NRG1: variants seen among roughly 807,000 people sequenced by gnomAD.
NRG1 encodes the protein pro-neuregulin-1, membrane-bound isoform.
Under a neutral mutation model 63.8 loss-of-function variants are expected in NRG1, and 18 were observed. The observed-to-expected ratio is 0.28, with a 90% CI of 0.19 to 0.42. The LOEUF (loss-of-function observed/expected upper bound fraction) is 0.42. Ranked by LOEUF, NRG1 falls within the 10% of genes least tolerant of loss-of-function variation. The pLI is 1.00. For synonymous variants in NRG1, 302 were observed against 301.3 expected, an observed-to-expected ratio of 1.00 and a Z score of -0.02; for missense variants, 762 against 814.7, an observed-to-expected ratio of 0.94 and a Z score of 0.79.
intron 1 of NRG1, among the ~76,000 whole-genome samples, chr8:32,094,730 C>A (rs949381145): frequency 6.6e-6 from 1 of 152,028 alleles, no homozygotes; most frequent in Non-Finnish European, 1.5e-5. Flanking sequence ...TCTGTCACCT[C>A]AGAACTAACA....
At chr8:32,508,938 T>C (rs577804166) in intron 1 of NRG1, among the ~76,000 whole-genome samples, 15 of 152,112 alleles carry the variant, frequency 9.9e-5, no homozygotes, top group African/African-American at 3.6e-4. Context: ...TCTCACCATG[T>C]TGGCAACGCT....
intron 1 of NRG1, among the ~76,000 whole-genome samples, chr8:32,437,353 C>A (rs1231899647): frequency 6.6e-6 from 1 of 152,032 alleles, no homozygotes; most frequent in Non-Finnish European, 1.5e-5. Context: ...TCATTGCACT[C>A]ACCACCTTAT....
At chr8:32,091,203 G>T (rs947892357) in intron 1 of NRG1, among the ~76,000 whole-genome samples, 1 of 151,664 alleles carries the variant, frequency 6.6e-6, no homozygotes, top group African/African-American at 2.4e-5. Flanking sequence ...GCGTGAACCC[G>T]GGAGGCAGAG....
rs572540580 is a variant in NRG1, at chr8:31,802,769, G to C, written c.37+163338G>C. ...TCTCTTGGAAAAATAGCATTTGAGT[G>C]ATTGAATAAAACAGGCTGTTTTGGG... On this transcript the variant is annotated intron_variant, in intron 1 of 10. Coordinates refer to the NRG1 transcript ENST00000519301. Among the ~76,000 whole-genome samples, 11 of 152,304 alleles carry C rather than the reference G, an allele frequency of 7.2e-5. 1 individual carries two copies. Among genetic ancestry groups the C allele is most frequent in the Admixed American group, 2.6e-4 (4 of 15,304 alleles).
intron 1 of NRG1, among the ~76,000 whole-genome samples, chr8:32,457,404 AGCACTCCTGTTTTT>A (rs1417525621): frequency 6.6e-6 from 1 of 152,166 alleles, no homozygotes; most frequent in South Asian, 2.1e-4. Flanking sequence ...CCTTTCCTAG[AGCACTCCTGTTTTT>A]GCATTCTTGT....
rs115808530 is a variant in NRG1 at position 32,181,388 on chromosome 8, G to T, written c.38-414440G>T. Among the ~76,000 whole-genome samples the T allele has an allele frequency of 6.9e-3, 1,055 of 152,126 alleles. 16 individuals are homozygous for T. The highest frequency in any genetic ancestry group is 0.024 in the African/African-American group (1,015 of 41,500). ...ATTTATTATCACTATTAGTTTTTCTGTATTGCTCTCTTCTTTGTAAATATC... is the reference window on the plus strand; with the variant it reads ...ATTTATTATCACTATTAGTTTTTCTTTATTGCTCTCTTCTTTGTAAATATC... On this transcript the variant is annotated intron_variant, in intron 1 of 10. Transcript: ENST00000519301.
chr8:32,188,806 T>C (rs1842208600), intron 1 of NRG1, among the ~76,000 whole-genome samples: 1 of 151,334 alleles, frequency 6.6e-6, no homozygotes, highest in Non-Finnish European at 1.5e-5. Flanking sequence ...CTCTGGGGAC[T>C]GTTGTGGGGT....
At chr8:31,827,127 G>T (rs1824648888) in intron 1 of NRG1, among the ~76,000 whole-genome samples, 2 of 152,160 alleles carry the variant, frequency 1.3e-5, no homozygotes, top group Non-Finnish European at 2.9e-5. Context: ...GTAACAGAAG[G>T]TGGGAAGCTA....
chr8:31,717,723 C>T (rs995840437), intron 1 of NRG1, among the ~76,000 whole-genome samples: 8 of 152,016 alleles, frequency 5.3e-5, no homozygotes, highest in South Asian at 4.2e-4. Context: ...TGATTTTCAG[C>T]GATGCCTTTT....
intron 1 of NRG1, among the ~76,000 whole-genome samples, chr8:32,566,648 G>A (rs1246541145): frequency 2.0e-5 from 3 of 152,126 alleles, no homozygotes; most frequent in Non-Finnish European, 4.4e-5. Context: ...ATTCTTTTAA[G>A]GTGATGTTTA....
At chr8:31,723,753 A>G (rs755131045) in intron 1 of NRG1, among the ~76,000 whole-genome samples, 33 of 152,122 alleles carry the variant, frequency 2.2e-4, no homozygotes, top group Non-Finnish European at 4.3e-4. Context: ...GTAACTAACT[A>G]CCTAGGCTGG....
At position 32,647,064 on chromosome 8, in the gene NRG1, G is replaced by A. The variant is rs562405449; in HGVS notation, c.502+30179G>A. 14 of 985,358 alleles carry A rather than the reference G, an allele frequency of 1.4e-5. No homozygotes were observed. In the African/African-American group the frequency reaches 1.7e-4, roughly 12 times the overall value. The allele number at this position is 985,358 out of a possible 1,614,324, so 61.0% of individuals were successfully genotyped here. On this transcript the variant is annotated intron_variant, in intron 5 of 11. Transcript: ENST00000356819. ...GGTGGGGTGGAGGCAGGGCGGGGAAGGGAGTGACCGCCCCTCCTGGCTGCA... is the reference window on the plus strand; with the variant it reads ...GGTGGGGTGGAGGCAGGGCGGGGAAAGGAGTGACCGCCCCTCCTGGCTGCA...
intron 1 of NRG1, among the ~76,000 whole-genome samples, chr8:31,755,900 A>G (rs576605735): frequency 3.3e-5 from 5 of 152,232 alleles, no homozygotes; most frequent in African/African-American, 9.6e-5. Context: ...AGATTTTCCC[A>G]TAGGATCAAG....
intron 1 of NRG1, among the ~76,000 whole-genome samples, chr8:31,806,710 C>T (rs767921307): frequency 6.6e-6 from 1 of 151,962 alleles, no homozygotes; most frequent in South Asian, 2.1e-4. Flanking sequence ...ATAATTAACC[C>T]TTTTTTTAAG....
At position 32,393,342 on chromosome 8, in the gene NRG1, T is replaced by C. The variant is rs1219067405; in HGVS notation, c.38-202486T>C. Among the ~76,000 whole-genome samples, 3 of 152,178 alleles carry C rather than the reference T, an allele frequency of 2.0e-5. No individual in the cohort carries two copies. In the East Asian group the frequency reaches 5.8e-4, roughly 29 times the overall value. On this transcript the variant is annotated intron_variant, in intron 1 of 10. Coordinates refer to the NRG1 transcript ENST00000519301. ...AACAGAAGCTTGTGTTAGTTGCTGTTATAAATTAAACTACTACTCAACCCA... is the reference window on the plus strand; with the variant it reads ...AACAGAAGCTTGTGTTAGTTGCTGTCATAAATTAAACTACTACTCAACCCA...
chr8:31,654,598 A>G (rs1805236316), intron 1 of NRG1, among the ~76,000 whole-genome samples: 1 of 152,216 alleles, frequency 6.6e-6, no homozygotes, highest in Non-Finnish European at 1.5e-5. Flanking sequence ...ACAGGTCAAT[A>G]AGGGATATAT....
At chr8:32,209,712 C>CCCTTCCTT (rs200085311) in intron 1 of NRG1, among the ~76,000 whole-genome samples, 5,074 of 131,818 alleles carry the variant, frequency 0.038, 125 homozygotes, top group East Asian at 0.06. Context: ...TTCTCTCTTT[C>CCCTTCCTT]CCTTCCTTCC....
chr8:32,749,874 A>C (rs1296397771), intron 7 of NRG1: 3 of 421,724 alleles, frequency 7.1e-6, no homozygotes, highest in Non-Finnish European at 1.3e-5. Context: ...CACTGATTGG[A>C]TCTAGCTCTG....
At chr8:32,709,559 T>C (rs539669630) in intron 5 of NRG1, among the ~76,000 whole-genome samples, 1 of 152,040 alleles carries the variant, frequency 6.6e-6, no homozygotes, top group South Asian at 2.1e-4. Flanking sequence ...TATGGGCCCA[T>C]ACCACCATGC....
Sources: gnomAD v4.1 joint callset for allele counts (sites outside exome capture counted in the v4.1 genomes callset) on GRCh38, gnomAD v4.1.1 for gene constraint, MANE v1.5 for transcripts, NCBI Gene and HGNC (gene_info 2026-07-23, HGNC 2026-07-21) for gene names.